Variants in VCAN observed in about 807,000 individuals in gnomAD.
The protein encoded by VCAN is versican core protein.
In VCAN, 44 loss-of-function variants were observed where a neutral mutation model predicts 245.5. The observed-to-expected ratio is 0.18, with a 90% CI of 0.14 to 0.23. VCAN has a LOEUF of 0.23. Among genes scored for constraint, VCAN ranks in the 10% least tolerant of loss-of-function variants. The pLI, the probability that VCAN is intolerant of heterozygous loss-of-function variation, is 1.00. For missense variants in VCAN, 3,793 were observed against 4,057.9 expected (o/e 0.93, Z 1.77); for synonymous variants, 1,413 against 1,437.0 (o/e 0.98, Z 0.38).
intron 12 of VCAN, among the ~76,000 whole-genome samples, chr5:83,561,585 G>C (rs920875192): frequency 6.6e-6 from 1 of 152,106 alleles, no homozygotes; most frequent in African/African-American, 2.4e-5. Context: ...TGATGCACAA[G>C]AATGTCCAGA....
intron 5 of VCAN, among the ~76,000 whole-genome samples, chr5:83,498,472 C>G (rs768840562): frequency 2.0e-5 from 3 of 152,164 alleles, no homozygotes; most frequent in Non-Finnish European, 4.4e-5. Flanking sequence ...CCTTGATTTA[C>G]AATTGCTTTC....
At position 83,539,418 on chromosome 5, in the gene VCAN, A is replaced by G. The variant is rs1351326438; in HGVS notation, c.6415A>G (p.Ile2139Val). The G allele has an allele frequency of 3.1e-6, 5 of 1,613,714 alleles. No homozygotes were observed. The African/African-American group carries it at 6.7e-5, about 22-fold the overall frequency. The change falls in exon 8 of 15, where the codon ATC (isoleucine) becomes GTC (valine). Residue 2139 changes from isoleucine to valine, a missense_variant. Transcript: ENST00000265077. ...PQNSPATEQT[I>V]FDSQTFTETE... Reference sequence around the variant, plus strand: ...AAACTCTCCTGCAACAGAACAAACAATCTTTGATTCACAGACATTTACTGA... The same window carrying G: ...AAACTCTCCTGCAACAGAACAAACAGTCTTTGATTCACAGACATTTACTGA...
rs189262164 is a variant in VCAN at position 83,508,381 on chromosome 5, T to A, written c.749-3722T>A. Among the ~76,000 whole-genome samples the A allele has an allele frequency of 8.4e-4, 128 of 152,324 alleles. 2 individuals carry two copies. The highest frequency in any genetic ancestry group is 6.0e-3 in the East Asian group (31 of 5,186). On this transcript the variant is annotated intron_variant, in intron 5 of 14. Coordinates refer to ENST00000265077, the MANE Select transcript of VCAN (RefSeq NM_004385.5). The stretch of plus-strand genomic sequence containing the variant: ...TCCACAAAACAAATTTATGTACAGA[T>A]GTCCCTGCCTTAATAATAGAGGGTT...
In VCAN at chr5:83,537,339, A is replaced by G; in HGVS notation, c.4336A>G (p.Ser1446Gly). Residue 1446 changes from serine to glycine, a missense_variant, in exon 8 of 15, where the codon AGC becomes GGC. Physicochemically the swap from Ser to Gly is moderately conservative, Grantham distance 56. Coordinates refer to ENST00000265077, the MANE Select transcript of VCAN (RefSeq NM_004385.5). Reference sequence around the variant, plus strand: ...TGCACCTTCTCAGAATTTCTCGGACAGCTCTGAAAGTGATACTCATCCATT... The same window carrying G: ...TGCACCTTCTCAGAATTTCTCGGACGGCTCTGAAAGTGATACTCATCCATT... ...SVAPSQNFSD[S>G]SESDTHPFVI... 6.2e-7 allele frequency: 1 copy of G among 1,614,012 alleles called. No individual in the cohort carries two copies. Among genetic ancestry groups the G allele is most frequent in the South Asian group, 1.1e-5 (1 of 91,084 alleles).
At chr5:83,531,204 C>T (rs1044251195) in intron 7 of VCAN, 1 of 152,168 alleles carries the variant, frequency 6.6e-6, no homozygotes, top group Admixed American at 6.6e-5. Context: ...ATTTCAGTAT[C>T]TATGTCTATG....
rs745711176 is a variant in VCAN, at chr5:83,539,543, G to A, written c.6540G>A (p.Met2180Ile). Residue 2180 changes from methionine to isoleucine, a missense_variant, in exon 8 of 15, where the codon ATG becomes ATA. Transcript: ENST00000265077. ...AGGAAGACACTTCTTTAGTTAACATGTCTACTCCAGATCCAGATGCAAATG... is the reference window on the plus strand; with the variant it reads ...AGGAAGACACTTCTTTAGTTAACATATCTACTCCAGATCCAGATGCAAATG... ...MKEEDTSLVN[M>I]STPDPDANGL... 1.2e-6 allele frequency: 2 copies of A among 1,614,000 alleles called. No individual in the cohort carries two copies. Among genetic ancestry groups the A allele is most frequent in the East Asian group, 4.5e-5 (2 of 44,836 alleles).
chr5:83,535,466 T>C (rs1365280558), intron 7 of VCAN: 3 of 152,124 alleles, frequency 2.0e-5, no homozygotes, highest in Admixed American at 1.3e-4. Context: ...AAAAGTCTTA[T>C]TGTCTGGGTT....
chr5:83,474,904 A>G (rs1198148325), intron 1 of VCAN, among the ~76,000 whole-genome samples: 4 of 152,164 alleles, frequency 2.6e-5, no homozygotes, highest in Non-Finnish European at 5.9e-5. Flanking sequence ...TAGGAGGGGC[A>G]TCGTGCTTTT....
At chr5:83,492,088 C>T (rs1745002997) in intron 3 of VCAN, among the ~76,000 whole-genome samples, 1 of 152,010 alleles carries the variant, frequency 6.6e-6, no homozygotes, top group South Asian at 2.1e-4. Flanking sequence ...AAATGAATGC[C>T]AGTTGTCATT....
chr5:83,575,330 A>G (rs1325934309), intron 13 of VCAN, among the ~76,000 whole-genome samples: 1 of 152,166 alleles, frequency 6.6e-6, no homozygotes, highest in Non-Finnish European at 1.5e-5. Context: ...TTTCCTGACC[A>G]TGTCCCTTAC....
intron 10 of VCAN, among the ~76,000 whole-genome samples, chr5:83,549,309 A>G (rs530662323): frequency 3.4e-4 from 52 of 152,358 alleles, no homozygotes; most frequent in Admixed American, 9.8e-4. Flanking sequence ...GTGACTTAGC[A>G]TAACTCTTGG....
In VCAN at chr5:83,545,592, T is replaced by C. The variant is rs756243741; in HGVS notation, c.9321T>C (p.Thr3107=). Residue 3107 remains threonine, a synonymous_variant, in exon 9 of 15, where the codon ACT becomes ACC. Transcript: ENST00000265077. The part of the protein sequence containing the change: ...PCLNGGTCYP[T]ETSYVCTCVP... ...TTAACGGAGGCACCTGTTATCCTACTGAAACTTCCTACGTATGCACCTGTG... is the reference window on the plus strand; with the variant it reads ...TTAACGGAGGCACCTGTTATCCTACCGAAACTTCCTACGTATGCACCTGTG... 3 of 1,614,158 alleles carry C rather than the reference T, an allele frequency of 1.9e-6. No homozygotes were observed. In the South Asian group the frequency reaches 3.3e-5, roughly 18 times the overall value.
At position 83,580,918 on chromosome 5, in the gene VCAN, T is replaced by C; in HGVS notation, c.*484T>C. 9.9e-6 allele frequency: 2 copies of C among 202,552 alleles called. No individual in the cohort carries two copies. Among genetic ancestry groups the C allele is most frequent in the Non-Finnish European group, 2.0e-5 (2 of 98,428 alleles). The allele number at this position is 202,552 out of a possible 1,614,324, so 12.5% of individuals were successfully genotyped here. A position where few individuals can be genotyped will look rare whatever the true frequency, so the allele number is the denominator to read the frequency against. On this transcript the variant is annotated 3_prime_UTR_variant, in exon 15 of 15. Transcript: ENST00000265077. ...TTTATGTAGTTTAGGCTGGAAATGGTTTCACTTGCTCTTTGACTGTCAGCA... is the reference window on the plus strand; with the variant it reads ...TTTATGTAGTTTAGGCTGGAAATGGCTTCACTTGCTCTTTGACTGTCAGCA...
At chr5:83,494,541 G>T (rs577426711) in intron 5 of VCAN, among the ~76,000 whole-genome samples, 21 of 152,142 alleles carry the variant, frequency 1.4e-4, no homozygotes, top group Admixed American at 1.3e-4. Context: ...CTTTCAAGTC[G>T]CTTACAGTCT....
At position 83,483,495 on chromosome 5, in the gene VCAN, G is replaced by A; in HGVS notation, c.-6-18G>A. 1 of 1,606,758 alleles carries A rather than the reference G, an allele frequency of 6.2e-7. No homozygotes were observed. On this transcript the variant is annotated intron_variant, in intron 1 of 14. Transcript: ENST00000265077. ...CCTGAATGCTTGTGATTTACTTTGT[G>A]TTTTTCTTCATTTCTAGGCCAAGAT...
chr5:83,567,105 G>C (rs750591874), intron 12 of VCAN, among the ~76,000 whole-genome samples: 3 of 152,040 alleles, frequency 2.0e-5, no homozygotes, highest in Admixed American at 6.6e-5. Flanking sequence ...TAATCGAAAT[G>C]GTAGCCCTTT....
At chr5:83,578,573 A>G (rs1748559359) in intron 13 of VCAN, among the ~76,000 whole-genome samples, 1 of 152,172 alleles carries the variant, frequency 6.6e-6, no homozygotes, top group Non-Finnish European at 1.5e-5. Context: ...AAAATTTGTC[A>G]TTGCAGAAGG....
intron 12 of VCAN, among the ~76,000 whole-genome samples, chr5:83,560,014 A>C (rs1747809785): frequency 1.3e-5 from 2 of 152,224 alleles, no homozygotes; most frequent in Non-Finnish European, 2.9e-5. Flanking sequence ...CAAAAAAAAA[A>C]AAAGATATTC....
intron 5 of VCAN, among the ~76,000 whole-genome samples, chr5:83,504,492 C>T (rs567587700): frequency 6.6e-6 from 1 of 151,866 alleles, no homozygotes; most frequent in South Asian, 2.1e-4. Flanking sequence ...AAGCGATCCT[C>T]CTGCCTCAGA....
Sources: allele counts gnomAD v4.1 joint callset (sites outside exome capture counted in the v4.1 genomes callset), GRCh38; gene constraint gnomAD v4.1.1; transcripts MANE v1.5; gene names NCBI Gene and HGNC (gene_info 2026-07-23, HGNC 2026-07-21).